DNAH5: variants seen among roughly 807,000 people sequenced by gnomAD.
DNAH5 encodes the protein dynein axonemal heavy chain 5.
DNAH5 carries 372 observed loss-of-function variants against 518.2 expected under a neutral mutation model. That is an observed-to-expected ratio of 0.72 (90% confidence interval 0.66 to 0.78). The LOEUF (loss-of-function observed/expected upper bound fraction) is 0.78. DNAH5 is among the 30% of genes least tolerant of loss of function. DNAH5 has a pLI of 0.00. For missense variants in DNAH5, 5,523 were observed against 5,687.0 expected, an observed-to-expected ratio of 0.97 and a Z score of 0.93; for synonymous variants, 2,039 against 2,025.9, an observed-to-expected ratio of 1.01 and a Z score of -0.17.
chr5:13,878,343 G>A (rs370970095), intron 21 of DNAH5, among the ~76,000 whole-genome samples: 19 of 152,110 alleles, frequency 1.2e-4, no homozygotes, highest in African/African-American at 4.6e-4. Context: ...CACTACCAGG[G>A]GCTACACCCC....
chr5:13,839,312 G>A lies in DNAH5; in HGVS notation c.5882+44C>T, dbSNP rs200080299. Reference sequence around the variant, plus strand: ...TAAGCAAAAATCCCCTGAGCAACTCGAGAGAATAAAAATGGTGGGGGTTGG... The same window carrying A: ...TAAGCAAAAATCCCCTGAGCAACTCAAGAGAATAAAAATGGTGGGGGTTGG... On this transcript the variant is annotated intron_variant, in intron 35 of 78. Transcript: ENST00000265104. The A allele has an allele frequency of 2.3e-5, 37 of 1,590,744 alleles. No homozygotes were observed. The African/African-American group carries it at 2.5e-4, about 11-fold the overall frequency.
intron 47 of DNAH5, among the ~76,000 whole-genome samples, chr5:13,796,636 T>C (rs1757866017): frequency 6.6e-6 from 1 of 152,224 alleles, no homozygotes; most frequent in Non-Finnish European, 1.5e-5. Flanking sequence ...CAAAGTAATT[T>C]ATAGATTCAA....
chr5:13,925,775 A>G (rs1480542173), intron 3 of DNAH5, among the ~76,000 whole-genome samples: 1 of 152,218 alleles, frequency 6.6e-6, no homozygotes, highest in East Asian at 1.9e-4. Flanking sequence ...GTGGCGACAC[A>G]GAGCCAAACC....
intron 29 of DNAH5, among the ~76,000 whole-genome samples, chr5:13,860,845 C>T (rs1396852756): frequency 1.3e-5 from 2 of 152,194 alleles, no homozygotes; most frequent in Non-Finnish European, 2.9e-5. Flanking sequence ...CTTCATGGTT[C>T]TCTCTAGCCC....
intron 31 of DNAH5, among the ~76,000 whole-genome samples, chr5:13,849,875 G>A (rs1285520402): frequency 1.3e-5 from 2 of 152,044 alleles, no homozygotes; most frequent in African/African-American, 4.8e-5. Flanking sequence ...ACCATTTGAA[G>A]CCCAGTATTT....
At chr5:13,696,646 C>T (rs1741436821) in intron 78 of DNAH5, among the ~76,000 whole-genome samples, 1 of 151,830 alleles carries the variant, frequency 6.6e-6, no homozygotes, top group Non-Finnish European at 1.5e-5. Flanking sequence ...TGCTACACAC[C>T]CCTTTAAGTC....
At chr5:13,826,445 A>T (rs1283815042) in intron 38 of DNAH5, among the ~76,000 whole-genome samples, 6 of 152,216 alleles carry the variant, frequency 3.9e-5, no homozygotes, top group Admixed American at 3.9e-4. Flanking sequence ...GGGAGGGACC[A>T]GGTGGAGGTA....
chr5:13,862,480 T>G (rs1387480797), intron 29 of DNAH5, 68 bp downstream of exon 29: 3 of 1,472,230 alleles, frequency 2.0e-6, no homozygotes, highest in African/African-American at 1.4e-5. Context: ...TAATGGATTT[T>G]TCATTAATTT....
At position 13,737,415 on chromosome 5, in the gene DNAH5, C is replaced by G; in HGVS notation, c.11292G>C (p.Leu3764Phe). ...KRRMKELEDN[L>F]LYRLTSTQGS... ...CCTGGGTACTTGTCAGGCGGTAAAG[C>G]AAGTTATCTTCTAGTTCCTTCATCC... Residue 3764 changes from leucine to phenylalanine, a missense_variant, in exon 66 of 79, where the codon TTG becomes TTC. By Grantham distance (22) the Leu-to-Phe change is conservative. Around this residue, in one of 3 missense-constraint regions of DNAH5, gnomAD observed 5,121 missense variants for 5,223.3 expected, o/e 0.98. Coordinates refer to ENST00000265104, the MANE Select transcript of DNAH5 (RefSeq NM_001369.3). 6.2e-7 allele frequency: 1 copy of G among 1,614,156 alleles called. No homozygotes were observed. Among genetic ancestry groups the G allele is most frequent in the South Asian group, 1.1e-5 (1 of 91,084 alleles).
At chr5:13,867,657 C>T in intron 25 of DNAH5, 117 bp downstream of exon 25, 1 of 859,980 alleles carries the variant, frequency 1.2e-6, no homozygotes, top group Non-Finnish European at 2.0e-6. Context: ...AATTCCCATT[C>T]CCTGGGAATT....
chr5:13,692,369 C>G (rs1365541175), intron 78 of DNAH5, among the ~76,000 whole-genome samples: 2 of 152,128 alleles, frequency 1.3e-5, no homozygotes, highest in East Asian at 3.9e-4. Flanking sequence ...TCTGCTGGCC[C>G]CTTGCCCTGA....
chr5:13,723,880 T>C (rs150563599), intron 70 of DNAH5, among the ~76,000 whole-genome samples: 2 of 152,184 alleles, frequency 1.3e-5, no homozygotes, highest in Admixed American at 1.3e-4. Context: ...TTCACTTATA[T>C]CTGGAGAAGG....
chr5:13,921,517 AC>A (rs1050832203), intron 5 of DNAH5, among the ~76,000 whole-genome samples: 7 of 141,400 alleles, frequency 5.0e-5, no homozygotes, highest in Middle Eastern at 3.5e-3. Flanking sequence ...ACACACACAC[AC>A]AAGCGTACAT....
intron 67 of DNAH5, 27 bp downstream of exon 67, chr5:13,735,791 A>G (rs765111088): frequency 6.5e-7 from 1 of 1,537,508 alleles, no homozygotes; most frequent in Non-Finnish European, 9.0e-7. Flanking sequence ...TATAGAATTC[A>G]GCTTGGCTTC....
chr5:13,742,405 T>A (rs999569142), intron 65 of DNAH5, among the ~76,000 whole-genome samples: 5 of 152,086 alleles, frequency 3.3e-5, no homozygotes, highest in Non-Finnish European at 5.9e-5. Flanking sequence ...CCTTTTCCAC[T>A]CACAGTCACT....
chr5:13,927,813 C>T (rs1001373588), intron 3 of DNAH5, among the ~76,000 whole-genome samples: 1 of 152,136 alleles, frequency 6.6e-6, no homozygotes, highest in African/African-American at 2.4e-5. Flanking sequence ...ATCTTCATTG[C>T]CAGCACAGCC....
chr5:13,908,570 G>A (rs533111664), intron 12 of DNAH5, among the ~76,000 whole-genome samples: 20 of 152,190 alleles, frequency 1.3e-4, no homozygotes, highest in South Asian at 2.1e-4. Flanking sequence ...CTTCATACTC[G>A]TCTTCACATT....
chr5:13,761,370 G>T (rs1439275271), intron 60 of DNAH5, among the ~76,000 whole-genome samples: 1 of 152,164 alleles, frequency 6.6e-6, no homozygotes. Context: ...GAGGTGGGCG[G>T]ATCACGAGGT....
At chr5:13,854,600 A>T (rs1488370641) in intron 30 of DNAH5, among the ~76,000 whole-genome samples, 2 of 152,212 alleles carry the variant, frequency 1.3e-5, no homozygotes, top group East Asian at 3.9e-4. Context: ...AAGATCCATC[A>T]GTGTGCTGTA....
Sources: allele counts gnomAD v4.1 joint callset (sites outside exome capture counted in the v4.1 genomes callset), GRCh38; gene constraint gnomAD v4.1.1; regional missense constraint gnomAD v4.1.1; transcripts MANE v1.5; gene names NCBI Gene and HGNC (gene_info 2026-07-23, HGNC 2026-07-21).